The following CSMD1 variants were observed in gnomAD, a reference collection of about 807,000 sequenced individuals.
The protein encoded by CSMD1 is CUB and sushi domain-containing protein 1.
In CSMD1, 213 loss-of-function variants were observed where a neutral mutation model predicts 417.5. The ratio of observed to expected loss-of-function variants is 0.51; its 90% CI spans 0.46 to 0.57. CSMD1 has a LOEUF of 0.57. Ranked by LOEUF, CSMD1 falls within the 20% of genes least tolerant of loss-of-function variation. CSMD1 has a pLI of 0.00. For synonymous variants in CSMD1, 2,862 were observed against 1,736.8 expected, an observed-to-expected ratio of 1.65 and a Z score of -16.11; for missense variants, 6,923 against 4,529.7, an observed-to-expected ratio of 1.53 and a Z score of -15.17.
chr8:2,990,066 C>T (rs1196961652), intron 54 of CSMD1, among the ~76,000 whole-genome samples: 1 of 152,226 alleles, frequency 6.6e-6, no homozygotes, highest in African/African-American at 2.4e-5. Flanking sequence ...TGCTGTCCCC[C>T]TGTGTGGAGG....
chr8:4,830,440 C>T (rs1009175819), intron 1 of CSMD1, among the ~76,000 whole-genome samples: 2 of 152,114 alleles, frequency 1.3e-5, no homozygotes, highest in Non-Finnish European at 2.9e-5. Flanking sequence ...GAACACTTAC[C>T]GTTTCAGATA....
At chr8:4,770,041 C>T (rs1286701586) in intron 1 of CSMD1, among the ~76,000 whole-genome samples, 1 of 151,868 alleles carries the variant, frequency 6.6e-6, no homozygotes, top group Non-Finnish European at 1.5e-5. Flanking sequence ...TTCCTTTCTC[C>T]CATTCAGGAA....
rs150370470 is a variant in CSMD1, at chr8:4,803,984, C to T, written c.86-166426G>A. 9.2e-5 allele frequency among the ~76,000 whole-genome samples: 14 copies of T among 152,282 alleles called. 1 individual carries two copies. In the South Asian group the frequency reaches 2.5e-3, roughly 27 times the overall value. ...TTACAGATGTATCGTAAGTCAAAGACGGCAGGAGCCACAACTCTACTCACA... is the reference window on the plus strand; with the variant it reads ...TTACAGATGTATCGTAAGTCAAAGATGGCAGGAGCCACAACTCTACTCACA... On this transcript the variant is annotated intron_variant, in intron 1 of 69. Transcript: ENST00000635120.
intron 5 of CSMD1, among the ~76,000 whole-genome samples, chr8:3,978,546 G>T (rs537159817): frequency 1.3e-5 from 2 of 151,962 alleles, no homozygotes; most frequent in Non-Finnish European, 2.9e-5. Flanking sequence ...TTTGGCAAAG[G>T]GTTTCAAAAA....
At chr8:3,976,075 T>TG (rs1326487964) in intron 5 of CSMD1, among the ~76,000 whole-genome samples, 26 of 152,048 alleles carry the variant, frequency 1.7e-4, no homozygotes, top group East Asian at 7.7e-4. Context: ...TTAAATTTTT[T>TG]TGGGGGGGTC....
At chr8:3,358,925 A>T (rs1323458031) in intron 21 of CSMD1, among the ~76,000 whole-genome samples, 3 of 151,952 alleles carry the variant, frequency 2.0e-5, no homozygotes, top group Non-Finnish European at 4.4e-5. Context: ...CTCTTGTTCA[A>T]TCATAAAATT....
At chr8:4,115,988 ATTTATTTATTT>A (rs1340208935) in intron 3 of CSMD1, among the ~76,000 whole-genome samples, 3 of 147,940 alleles carry the variant, frequency 2.0e-5, no homozygotes, top group African/African-American at 7.5e-5. Flanking sequence ...TTATTTATTT[ATTTATTTATTT>A]ATTTATTTAT....
At chr8:4,548,508 C>T (rs550643539) in intron 2 of CSMD1, among the ~76,000 whole-genome samples, 2 of 152,088 alleles carry the variant, frequency 1.3e-5, no homozygotes, top group East Asian at 1.9e-4. Context: ...AATGAAAATG[C>T]CATGCAAAAA....
chr8:2,946,007 C>A (rs1205564190), intron 68 of CSMD1, among the ~76,000 whole-genome samples: 1 of 152,120 alleles, frequency 6.6e-6, no homozygotes, highest in African/African-American at 2.4e-5. Context: ...GGCAATTTTG[C>A]GGCTGTGTGA....
intron 51 of CSMD1, 47 bp downstream of exon 51, chr8:3,029,272 T>A: frequency 2.7e-6 from 4 of 1,503,080 alleles, no homozygotes; most frequent in Non-Finnish European, 3.6e-6. Flanking sequence ...CCATCTAGAA[T>A]AATCTAGGAT....
chr8:3,571,360 A>T (rs1175036986), intron 10 of CSMD1, among the ~76,000 whole-genome samples: 1 of 152,136 alleles, frequency 6.6e-6, no homozygotes, highest in Non-Finnish European at 1.5e-5. Context: ...CTACATAAAG[A>T]AATTGGTTCC....
intron 3 of CSMD1, among the ~76,000 whole-genome samples, chr8:4,320,034 G>A (rs1799179260): frequency 6.6e-6 from 1 of 151,862 alleles, no homozygotes; most frequent in African/African-American, 2.4e-5. Context: ...CCTCAACAAT[G>A]AAAAAAATGA....
chr8:3,284,657 G>C, intron 25 of CSMD1: 1 of 304,452 alleles, frequency 3.3e-6, no homozygotes, highest in Non-Finnish European at 6.3e-6. Flanking sequence ...TATAATTTAA[G>C]CTTTCTACGG....
intron 12 of CSMD1, among the ~76,000 whole-genome samples, chr8:3,410,289 T>G (rs1812603005): frequency 6.6e-6 from 1 of 152,248 alleles, no homozygotes; most frequent in Non-Finnish European, 1.5e-5. Context: ...TGAGAGCCAC[T>G]GTGTGTCAGG....
chr8:4,467,813 A>G (rs1800274053), intron 2 of CSMD1, among the ~76,000 whole-genome samples: 1 of 152,234 alleles, frequency 6.6e-6, no homozygotes, highest in African/African-American at 2.4e-5. Context: ...AACTAGTGAA[A>G]TAATTGGACA....
intron 23 of CSMD1, among the ~76,000 whole-genome samples, chr8:3,312,587 G>T (rs1374550788): frequency 6.6e-6 from 1 of 152,154 alleles, no homozygotes; most frequent in Non-Finnish European, 1.5e-5. Context: ...CAGTTGCTGG[G>T]AGAATCATAG....
At chr8:3,226,684 C>T (rs765532122) in intron 27 of CSMD1, among the ~76,000 whole-genome samples, 5 of 151,324 alleles carry the variant, frequency 3.3e-5, no homozygotes, top group Non-Finnish European at 7.4e-5. Flanking sequence ...TGGTAGAAGT[C>T]ATTTCGGATG....
chr8:4,574,121 G>C (rs558031130), intron 2 of CSMD1, among the ~76,000 whole-genome samples: 219 of 152,126 alleles, frequency 1.4e-3, no homozygotes, highest in Non-Finnish European at 2.6e-3. Context: ...CCCCTTTCCA[G>C]GGGAGTGAAC....
intron 1 of CSMD1, among the ~76,000 whole-genome samples, chr8:4,806,415 A>G (rs1258156817): frequency 6.6e-6 from 1 of 152,052 alleles, no homozygotes; most frequent in Non-Finnish European, 1.5e-5. Flanking sequence ...TTTGCCATAA[A>G]AGTCCCCTGG....
Sources: allele counts gnomAD v4.1 joint callset (sites outside exome capture counted in the v4.1 genomes callset), GRCh38; gene constraint gnomAD v4.1.1; transcripts MANE v1.5; gene names NCBI Gene and HGNC (gene_info 2026-07-23, HGNC 2026-07-21).